The following COLEC12 variants were observed in gnomAD, a reference collection of about 807,000 sequenced individuals.
COLEC12 encodes collectin-12.
Under a neutral mutation model 71.1 loss-of-function variants are expected in COLEC12, and 33 were observed. The ratio of observed to expected loss-of-function variants is 0.46; its 90% CI spans 0.35 to 0.62. The LOEUF (loss-of-function observed/expected upper bound fraction) is 0.62. Ranked by LOEUF, COLEC12 falls within the 20% of genes least tolerant of loss-of-function variation. The probability of loss-of-function intolerance (pLI) is 0.00; values close to 1 mark genes in which losing one functional copy is unlikely to be tolerated. For synonymous variants in COLEC12, 350 were observed against 353.0 expected (o/e 0.99, Z 0.10); for missense variants, 765 against 916.1 (o/e 0.84, Z 2.13).
chr18:348,456 A>T (rs1175333878), intron 3 of COLEC12, among the ~76,000 whole-genome samples: 1 of 152,214 alleles, frequency 6.6e-6, no homozygotes, highest in Non-Finnish European at 1.5e-5. Context: ...AAAAATTTTC[A>T]TGCATTTTAG....
chr18:346,547 T>A lies in COLEC12; in HGVS notation c.1075A>T (p.Thr359Ser), dbSNP rs1162449071. 6.2e-7 allele frequency: 1 copy of A among 1,614,222 alleles called. No homozygotes were observed. The highest frequency in any genetic ancestry group is 1.7e-5 in the Admixed American group (1 of 60,028). ...ACTTCATTTAGATTGCTGGTCAGCG[T>A]CCGCAGGTGGTGGGCTGTGTAACTG... ...NISYTAHHLR[T>S]LTSNLNEVRT... The change falls in exon 5 of 10, where the codon ACG becomes TCG. Residue 359 changes from threonine (T) to serine (S), a missense_variant. By Grantham distance (58) the Thr-to-Ser change is moderately conservative. Coordinates refer to ENST00000400256, the MANE Select transcript of COLEC12 (RefSeq NM_130386.3). The surrounding 1 kb of genome is among the most constrained non-coding windows in gnomAD (Gnocchi z 4.0).
chr18:330,473 A>G lies in COLEC12; in HGVS notation c.2063+1195T>C, dbSNP rs58039713. On this transcript the variant is annotated intron_variant, in intron 8 of 9. Transcript: ENST00000400256. ...CTGGCCTCTCCGTCCCCAGCAAACTAAAGGTTACTCAGAGGGTTTTTTTTT... is the reference window on the plus strand; with the variant it reads ...CTGGCCTCTCCGTCCCCAGCAAACTGAAGGTTACTCAGAGGGTTTTTTTTT... Among the ~76,000 whole-genome samples, 598 of 150,498 alleles carry G rather than the reference A, an allele frequency of 4.0e-3. 6 individuals are homozygous for G. Among genetic ancestry groups the G allele is most frequent in the African/African-American group, 0.013 (548 of 41,092 alleles).
At chr18:470,581 TA>T (rs879655575) in intron 2 of COLEC12, among the ~76,000 whole-genome samples, 57 of 148,530 alleles carry the variant, frequency 3.8e-4, no homozygotes, top group Admixed American at 6.8e-4. Flanking sequence ...ACCCTGTCTC[TA>T]AAAAAAAAAA....
intron 2 of COLEC12, among the ~76,000 whole-genome samples, chr18:359,337 T>C (rs1914694603): frequency 6.6e-6 from 1 of 152,242 alleles, no homozygotes; most frequent in African/African-American, 2.4e-5. Context: ...GGCATGCCAC[T>C]GGTTGTAATG....
rs537198956 is a variant in COLEC12, at chr18:352,790, C to T, written c.181+4610G>A. On this transcript the variant is annotated intron_variant, in intron 3 of 9. Transcript: ENST00000400256. Reference sequence around the variant, plus strand: ...TTCTGAATTTATTAGCACCAATTCTCAATCAGGAATACAGTCGCAGAGCCA... The same window carrying T: ...TTCTGAATTTATTAGCACCAATTCTTAATCAGGAATACAGTCGCAGAGCCA... Among the ~76,000 whole-genome samples, 3 of 152,296 alleles carry T rather than the reference C, an allele frequency of 2.0e-5. No homozygotes were observed. The South Asian group carries it at 6.2e-4, about 32-fold the overall frequency.
At chr18:444,888 C>T (rs935347411) in intron 2 of COLEC12, among the ~76,000 whole-genome samples, 2 of 152,142 alleles carry the variant, frequency 1.3e-5, no homozygotes, top group East Asian at 1.9e-4. Context: ...GCATGACTGA[C>T]GTGTGCAGTG....
chr18:349,128 G>A (rs561462576), intron 3 of COLEC12, among the ~76,000 whole-genome samples: 18 of 151,700 alleles, frequency 1.2e-4, no homozygotes, highest in Admixed American at 1.2e-3. Flanking sequence ...GCATGTCAGA[G>A]CCTTCCTGGC....
At chr18:491,458 C>T (rs1281134210) in intron 1 of COLEC12, among the ~76,000 whole-genome samples, 1 of 152,188 alleles carries the variant, frequency 6.6e-6, no homozygotes, top group Non-Finnish European at 1.5e-5. Flanking sequence ...CCAATGATTC[C>T]TATCTCACAC....
rs1024666068 is a variant in COLEC12, at chr18:346,235, G to T, written c.1327+60C>A. 6 of 1,273,412 alleles carry T rather than the reference G, an allele frequency of 4.7e-6. No homozygotes were observed. In the African/African-American group the frequency reaches 9.0e-5, roughly 19 times the overall value. 78.9% of individuals were successfully genotyped at this position (1,273,412 alleles called of 1,614,324 possible). ...TTGTTTTAAATTGCCAAGTTTTAGA[G>T]TAACTTGTTATGCAGCAATAAACAA... On this transcript the variant is annotated intron_variant, in intron 5 of 9. Transcript: ENST00000400256. This position sits in a 1 kb window ranked among gnomAD's most constrained non-coding sequence, Gnocchi z 4.0.
intron 2 of COLEC12, among the ~76,000 whole-genome samples, chr18:409,950 A>G (rs960630770): frequency 6.6e-6 from 1 of 152,192 alleles, no homozygotes; most frequent in Admixed American, 6.5e-5. Context: ...AATGTGGGCA[A>G]AACTGGCTTC....
chr18:345,504 C>T (rs933784239), intron 5 of COLEC12, among the ~76,000 whole-genome samples: 1 of 152,188 alleles, frequency 6.6e-6, no homozygotes, highest in African/African-American at 2.4e-5. Context: ...TGAGCCAGCA[C>T]ACCTACCAAA....
intron 2 of COLEC12, among the ~76,000 whole-genome samples, chr18:419,148 CTTCTA>C (rs57522856): frequency 0.29 from 42,436 of 145,204 alleles, 6,415 homozygotes; most frequent in Middle Eastern, 0.35. Context: ...AGGCATCATA[CTTCTA>C]TTCTATTCTA....
rs1364485927 is a variant in COLEC12, at chr18:318,000, T to G, written c.*2045A>C. On this transcript the variant is annotated 3_prime_UTR_variant, in exon 10 of 10. Transcript: ENST00000400256. ...TTCTTTTTTTTTTTTCTTTTTGAGATGAGTCTCGCTCTGTCGCCCAGGCTG... is the reference window on the plus strand; with the variant it reads ...TTCTTTTTTTTTTTTCTTTTTGAGAGGAGTCTCGCTCTGTCGCCCAGGCTG... The G allele has an allele frequency of 4.0e-5, 6 of 150,488 alleles. No homozygotes were observed. The highest frequency in any genetic ancestry group is 2.1e-4 in the South Asian group (1 of 4,752). The allele number at this position is 150,488 out of a possible 1,614,324, so 9.3% of individuals were successfully genotyped here. A position where few individuals can be genotyped will look rare whatever the true frequency, so the allele number is the denominator to read the frequency against.
intron 2 of COLEC12, among the ~76,000 whole-genome samples, chr18:471,113 T>C (rs747751965): frequency 6.6e-6 from 1 of 152,166 alleles, no homozygotes; most frequent in Admixed American, 6.5e-5. Flanking sequence ...CATGGAAATA[T>C]TCACACTTAT....
At chr18:413,539 A>G (rs2143640052) in intron 2 of COLEC12, among the ~76,000 whole-genome samples, 1 of 152,346 alleles carries the variant, frequency 6.6e-6, no homozygotes, top group Middle Eastern at 3.4e-3. Flanking sequence ...ACACAAAAAT[A>G]TGTACATACT....
chr18:349,202 C>T (rs1370839506), intron 3 of COLEC12, among the ~76,000 whole-genome samples: 1 of 152,214 alleles, frequency 6.6e-6, no homozygotes, highest in Non-Finnish European at 1.5e-5. Flanking sequence ...GGCCCAGGGT[C>T]CCCATGCTGT....
intron 2 of COLEC12, among the ~76,000 whole-genome samples, chr18:427,387 G>C (rs1459459271): frequency 2.6e-5 from 4 of 152,196 alleles, no homozygotes; most frequent in Non-Finnish European, 5.9e-5. Context: ...GCCGTAGGGA[G>C]AGAAATCCTC....
At chr18:472,678 C>CAAAAAAAAAAA (rs765169609) in intron 2 of COLEC12, among the ~76,000 whole-genome samples, 4 of 93,684 alleles carry the variant, frequency 4.3e-5, no homozygotes, top group African/African-American at 8.0e-5. Flanking sequence ...GGCCCTGTGA[C>CAAAAAAAAAAA]AAAAAAAAAA....
chr18:339,594 A>C (rs1977931), intron 5 of COLEC12, among the ~76,000 whole-genome samples: 35,006 of 152,114 alleles, frequency 0.23, 4,189 homozygotes, highest in South Asian at 0.32. Context: ...TCTTTCTCTT[A>C]ATCAGATAAG....
Sources: allele counts gnomAD v4.1 joint callset (sites outside exome capture counted in the v4.1 genomes callset), GRCh38; gene constraint gnomAD v4.1.1; non-coding constraint Gnocchi (gnomAD v3.1); transcripts MANE v1.5; gene names NCBI Gene and HGNC (gene_info 2026-07-23, HGNC 2026-07-21).